The following STMN2 variants were observed in gnomAD, a reference collection of about 807,000 sequenced individuals.
STMN2 encodes the protein stathmin 2, also known as stathmin-2.
A neutral mutation model predicts 24.1 loss-of-function variants in STMN2; 2 were observed. That is an observed-to-expected ratio of 0.08 (90% CI 0.03 to 0.26). The LOEUF is 0.26. Ranked by LOEUF, STMN2 falls within the 10% of genes least tolerant of loss-of-function variation. The probability of loss-of-function intolerance (pLI) is 1.00; values close to 1 mark genes in which losing one functional copy is unlikely to be tolerated. For synonymous variants in STMN2, 83 were observed against 77.5 expected (o/e 1.07, Z -0.37); for missense variants, 114 against 213.6 (o/e 0.53, Z 2.91).
chr8:79,613,527 C>T (rs1809302420), intron 1 of STMN2: 4 of 985,376 alleles, frequency 4.1e-6, no homozygotes, highest in African/African-American at 1.7e-5. Flanking sequence ...GCGATCTCGC[C>T]TCGCTTTCTG....
At chr8:79,613,713 C>G in intron 1 of STMN2, 1 of 985,412 alleles carries the variant, frequency 1.0e-6, no homozygotes, top group Non-Finnish European at 1.2e-6. Flanking sequence ...TTGTTGCGTT[C>G]GCTTTGCTTC....
At chr8:79,616,890 C>T (rs150697010) in intron 1 of STMN2, among the ~76,000 whole-genome samples, 14 of 151,848 alleles carry the variant, frequency 9.2e-5, no homozygotes, top group African/African-American at 3.4e-4. Flanking sequence ...AGCATGTGTG[C>T]GTGTGTGCGA....
chr8:79,620,627 C>A (rs1313434983), intron 1 of STMN2, among the ~76,000 whole-genome samples: 1 of 152,130 alleles, frequency 6.6e-6, no homozygotes, highest in Admixed American at 6.5e-5. Flanking sequence ...ATTTCACCAT[C>A]TTAACAATTT....
chr8:79,644,863 A>G (rs182946881), intron 3 of STMN2, among the ~76,000 whole-genome samples: 1 of 152,280 alleles, frequency 6.6e-6, no homozygotes, highest in African/African-American at 2.4e-5. Context: ...AAGGAATATA[A>G]CGTGAGCCAG....
chr8:79,611,892 C>G (rs1585866628), intron 1 of STMN2: 2 of 55,306 alleles, frequency 3.6e-5, no homozygotes, highest in Non-Finnish European at 6.5e-5. Flanking sequence ...GTGGAGGGCG[C>G]GGGTGGGCAG....
At chr8:79,629,235 C>T (rs970703328) in intron 1 of STMN2, among the ~76,000 whole-genome samples, 2 of 152,056 alleles carry the variant, frequency 1.3e-5, no homozygotes, top group African/African-American at 4.8e-5. Flanking sequence ...CAGTTATAAA[C>T]CTCAACGGTA....
At chr8:79,656,195 G>A (rs1017045241) in intron 4 of STMN2, among the ~76,000 whole-genome samples, 2 of 152,166 alleles carry the variant, frequency 1.3e-5, no homozygotes, top group African/African-American at 4.8e-5. Context: ...ATCTTCATTT[G>A]TGCTCGTGAG....
intron 3 of STMN2, among the ~76,000 whole-genome samples, chr8:79,654,154 C>A (rs895203060): frequency 6.6e-6 from 1 of 152,102 alleles, no homozygotes; most frequent in Non-Finnish European, 1.5e-5. Context: ...CTGTACAGAG[C>A]CAAACAGACT....
At chr8:79,613,296 C>A (rs895711147) in intron 1 of STMN2, among the ~76,000 whole-genome samples, 1 of 152,206 alleles carries the variant, frequency 6.6e-6, no homozygotes, top group East Asian at 1.9e-4. Flanking sequence ...CCGCCTACCG[C>A]TGGCCGGGTG....
chr8:79,611,269 T>C (rs1468560004), intron 1 of STMN2, 55 bp downstream of exon 1: 2 of 1,606,530 alleles, frequency 1.2e-6, no homozygotes, highest in African/African-American at 2.7e-5. Context: ...ACCTCTCACC[T>C]CCTCTCTTGA....
At chr8:79,620,538 A>G (rs1437710939) in intron 1 of STMN2, among the ~76,000 whole-genome samples, 1 of 152,196 alleles carries the variant, frequency 6.6e-6, no homozygotes, top group Non-Finnish European at 1.5e-5. Flanking sequence ...TTTTGCAGAA[A>G]AAAAGATCCT....
In STMN2 at chr8:79,622,859, G is replaced by A. The variant is rs376760805; in HGVS notation, c.19+11645G>A. On this transcript the variant is annotated intron_variant, in intron 1 of 4. Coordinates refer to ENST00000220876, the MANE Select transcript of STMN2 (RefSeq NM_007029.4). ...ATATCACACACACACGTACACGCAC[G>A]CATGCATACACACACACAGAACCTC... 9.2e-5 allele frequency among the ~76,000 whole-genome samples: 14 copies of A among 151,962 alleles called. No homozygotes were observed. In the East Asian group the frequency reaches 1.2e-3, roughly 13 times the overall value.
At chr8:79,656,201 G>A (rs75019881) in intron 4 of STMN2, among the ~76,000 whole-genome samples, 1,715 of 152,260 alleles carry the variant, frequency 0.011, 38 homozygotes, top group African/African-American at 0.04. Flanking sequence ...ATTTGTGCTC[G>A]TGAGGAATTT....
At chr8:79,617,513 T>A (rs1809412117) in intron 1 of STMN2, among the ~76,000 whole-genome samples, 1 of 152,260 alleles carries the variant, frequency 6.6e-6, no homozygotes, top group Non-Finnish European at 1.5e-5. Context: ...CAGTTGTTGT[T>A]AACAGTTCAT....
Position 79,665,994 on chromosome 8 carries a change from CCA to C in STMN2, c.*1121_*1122del, listed in dbSNP as rs1326711058. ...GGGCATTTGTGCCAACTAAGAATCA[CCA>C]GATACCCACCATAAGTACCTATCGC... On this transcript the variant is annotated 3_prime_UTR_variant, in exon 5 of 5. Coordinates refer to ENST00000220876, the MANE Select transcript of STMN2 (RefSeq NM_007029.4). 1 of 152,192 alleles carries C rather than the reference CCA, an allele frequency of 6.6e-6. No homozygotes were observed. Among genetic ancestry groups the C allele is most frequent in the African/African-American group, 2.4e-5 (1 of 41,426 alleles). The allele number at this position is 152,192 out of a possible 1,614,324, so 9.4% of individuals were successfully genotyped here. A position where few individuals can be genotyped will look rare whatever the true frequency, so the allele number is the denominator to read the frequency against.
At position 79,624,453 on chromosome 8, in the gene STMN2, C is replaced by CAA. The variant is rs1011493193; in HGVS notation, c.20-12325_20-12324dup. ...TGGGCGACAGAGCGAGACTCCGTCT[C>CAA]AAAAAAAAAAAAAAAAAAAAAAAAA... On this transcript the variant is annotated intron_variant, in intron 1 of 4. Coordinates refer to ENST00000220876, the MANE Select transcript of STMN2 (RefSeq NM_007029.4). Among the ~76,000 whole-genome samples, 360 of 44,856 alleles carry CAA rather than the reference C, an allele frequency of 8.0e-3. 3 individuals carry two copies. Among genetic ancestry groups the CAA allele is most frequent in the African/African-American group, 0.015 (208 of 13,948 alleles). The allele number at this position is 44,856 out of a possible 152,430, so 29.4% of individuals were successfully genotyped here. A position where few individuals can be genotyped will look rare whatever the true frequency, so the allele number is the denominator to read the frequency against.
intron 1 of STMN2, among the ~76,000 whole-genome samples, chr8:79,634,422 A>G (rs1809891130): frequency 6.6e-6 from 1 of 152,220 alleles, no homozygotes; most frequent in Non-Finnish European, 1.5e-5. Flanking sequence ...ATGGCACAGG[A>G]CAACATGTAT....
intron 4 of STMN2, among the ~76,000 whole-genome samples, chr8:79,663,279 G>A (rs1440718971): frequency 6.6e-6 from 1 of 152,144 alleles, no homozygotes; most frequent in Admixed American, 6.5e-5. Flanking sequence ...GTGATTAAGA[G>A]AGTGAGCTGT....
chr8:79,636,246 G>T (rs1370592075), intron 1 of STMN2, among the ~76,000 whole-genome samples: 1 of 151,912 alleles, frequency 6.6e-6, no homozygotes, highest in Non-Finnish European at 1.5e-5. Context: ...AAGAAAAGAT[G>T]GACAGATAAG....
Sources: allele counts gnomAD v4.1 joint callset (sites outside exome capture counted in the v4.1 genomes callset), GRCh38; gene constraint gnomAD v4.1.1; transcripts MANE v1.5; gene names NCBI Gene and HGNC (gene_info 2026-07-23, HGNC 2026-07-21).